Variants in EPB41L4A observed in about 807,000 individuals in gnomAD.
The protein encoded by EPB41L4A is band 4.1-like protein 4A.
In EPB41L4A, 100 loss-of-function variants were observed where a neutral mutation model predicts 108.6. That is an observed-to-expected ratio of 0.92 (90% CI 0.78 to 1.09). EPB41L4A has a LOEUF of 1.09. Ranked by LOEUF, EPB41L4A falls within the 50% of genes least tolerant of loss-of-function variation. EPB41L4A has a pLI of 0.00. For synonymous variants in EPB41L4A, 319 were observed against 289.0 expected, an observed-to-expected ratio of 1.10 and a Z score of -1.05; for missense variants, 1,030 against 842.7, an observed-to-expected ratio of 1.22 and a Z score of -2.75.
At position 112,201,667 on chromosome 5, in the gene EPB41L4A, C is replaced by T. The variant is rs577374770; in HGVS notation, c.1376+2708G>A. 1.2e-4 allele frequency among the ~76,000 whole-genome samples: 19 copies of T among 152,288 alleles called. No homozygotes were observed. In the South Asian group the frequency reaches 2.7e-3, roughly 22 times the overall value. Reference sequence around the variant, plus strand: ...TTCTAATCATCCCTGCCACCTATGTCGCCTCAACACACAATACACACAAAT... The same window carrying T: ...TTCTAATCATCCCTGCCACCTATGTTGCCTCAACACACAATACACACAAAT... On this transcript the variant is annotated intron_variant, in intron 15 of 22. Transcript: ENST00000261486.
At chr5:112,359,663 C>T (rs1448053996) in intron 1 of EPB41L4A, among the ~76,000 whole-genome samples, 1 of 152,024 alleles carries the variant, frequency 6.6e-6, no homozygotes, top group Non-Finnish European at 1.5e-5. Flanking sequence ...GCCTCAGCCT[C>T]CCGAGTAGCT....
exon 14 of EPB41L4A, chr5:112,142,766 G>A (rs899582168): frequency 6.6e-6 from 1 of 152,162 alleles, no homozygotes; most frequent in Non-Finnish European, 1.5e-5. Flanking sequence ...CTTAACTTTT[G>A]AAGTGTATGC....
intron 12 of EPB41L4A, among the ~76,000 whole-genome samples, chr5:112,153,459 G>A (rs1759541657): frequency 6.6e-6 from 1 of 151,344 alleles, no homozygotes; most frequent in African/African-American, 2.4e-5. Flanking sequence ...AACCTGGGAG[G>A]CGGAGGTTGC....
chr5:112,348,169 T>C (rs1469796416), intron 1 of EPB41L4A, among the ~76,000 whole-genome samples: 1 of 152,136 alleles, frequency 6.6e-6, no homozygotes, highest in East Asian at 1.9e-4. Context: ...CCTCACTCTA[T>C]AGTCTCTGCC....
At chr5:112,254,081 T>G (rs1283562820) in intron 9 of EPB41L4A, among the ~76,000 whole-genome samples, 1 of 152,150 alleles carries the variant, frequency 6.6e-6, no homozygotes, top group African/African-American at 2.4e-5. Flanking sequence ...ACGGGGTAAC[T>G]TTAGCTGAGG....
intron 2 of EPB41L4A, among the ~76,000 whole-genome samples, chr5:112,304,956 C>A (rs1754593653): frequency 6.6e-6 from 1 of 152,130 alleles, no homozygotes. Flanking sequence ...GATCACAATC[C>A]ATTTATAGTA....
intron 12 of EPB41L4A, among the ~76,000 whole-genome samples, chr5:112,149,919 C>A (rs1010292507): frequency 1.3e-5 from 2 of 152,080 alleles, no homozygotes; most frequent in African/African-American, 4.8e-5. Flanking sequence ...AGACATGAGG[C>A]CTGTGCAAAA....
chr5:112,209,855 C>T, intron 13 of EPB41L4A, 37 bp downstream of exon 13: 1 of 1,292,318 alleles, frequency 7.7e-7, no homozygotes, highest in Non-Finnish European at 1.1e-6. Flanking sequence ...TTTACAACAG[C>T]ATATAATTGT....
intron 12 of EPB41L4A, among the ~76,000 whole-genome samples, chr5:112,224,515 C>CT (rs2150343648): frequency 6.6e-6 from 1 of 152,252 alleles, no homozygotes; most frequent in South Asian, 2.1e-4. Context: ...ATCTTTAAAG[C>CT]TTACATACCC....
intron 2 of EPB41L4A, among the ~76,000 whole-genome samples, chr5:112,298,444 A>T (rs1379178601): frequency 6.6e-6 from 1 of 152,154 alleles, no homozygotes; most frequent in African/African-American, 2.4e-5. Context: ...TGAGATGATC[A>T]TGTGATTTTT....
intron 9 of EPB41L4A, among the ~76,000 whole-genome samples, chr5:112,244,614 C>T (rs926923800): frequency 5.3e-5 from 8 of 152,194 alleles, no homozygotes; most frequent in African/African-American, 1.9e-4. Context: ...ATGATGTCTA[C>T]ATAGTGTGCG....
At chr5:112,416,223 G>A (rs887778541) in intron 1 of EPB41L4A, among the ~76,000 whole-genome samples, 1 of 151,954 alleles carries the variant, frequency 6.6e-6, no homozygotes, top group Non-Finnish European at 1.5e-5. Context: ...TAAATCCAAA[G>A]AATGTTTTTC....
At chr5:112,199,522 T>G (rs1352025617) in intron 15 of EPB41L4A, among the ~76,000 whole-genome samples, 2 of 152,148 alleles carry the variant, frequency 1.3e-5, no homozygotes, top group Admixed American at 1.3e-4. Flanking sequence ...CAACCTAATC[T>G]CTATATTTCA....
At chr5:112,396,270 AAAAG>A (rs1380271537) in intron 1 of EPB41L4A, among the ~76,000 whole-genome samples, 1 of 152,210 alleles carries the variant, frequency 6.6e-6, no homozygotes, top group East Asian at 1.9e-4. Context: ...AAAAAAAAGA[AAAAG>A]AAAACCATTT....
chr5:112,235,840 A>G (rs543971262), intron 11 of EPB41L4A, among the ~76,000 whole-genome samples: 1 of 152,308 alleles, frequency 6.6e-6, no homozygotes, highest in African/African-American at 2.4e-5. Context: ...ATTGTTCTTC[A>G]TGTTCAGTAA....
At position 112,230,409 on chromosome 5, in the gene EPB41L4A, T is replaced by A. The variant is rs6864294; in HGVS notation, c.1087+4225A>T. Among the ~76,000 whole-genome samples the A allele has an allele frequency of 4.5e-3, 684 of 152,310 alleles. 9 individuals carry two copies. The highest frequency in any genetic ancestry group is 0.016 in the African/African-American group (645 of 41,562). On this transcript the variant is annotated intron_variant, in intron 12 of 22. Transcript: ENST00000261486. ...AACATCTATTATTTTTTTTATTTTT[T>A]AATTATGGTCATTCTTGCAGGAGTA... is the stretch of plus-strand genomic sequence containing the variant.
intron 3 of EPB41L4A, among the ~76,000 whole-genome samples, chr5:112,279,064 C>CAAAA (rs60463391): frequency 8.6e-4 from 66 of 76,822 alleles, no homozygotes; most frequent in African/African-American, 2.0e-3. Context: ...GATACCGTCT[C>CAAAA]AAAAAAAAAA....
intron 1 of EPB41L4A, among the ~76,000 whole-genome samples, chr5:112,346,884 T>C (rs564861923): frequency 1.8e-4 from 28 of 152,330 alleles, no homozygotes; most frequent in African/African-American, 6.3e-4. Context: ...GTGCTGCATG[T>C]CTACATGGTT....
chr5:112,401,085 C>A (rs902660370), intron 1 of EPB41L4A, among the ~76,000 whole-genome samples: 3 of 152,216 alleles, frequency 2.0e-5, no homozygotes, highest in African/African-American at 7.2e-5. Context: ...ACCAAACAAG[C>A]ATCCACATTG....
Sources: gnomAD v4.1 joint callset for allele counts (sites outside exome capture counted in the v4.1 genomes callset) on GRCh38, gnomAD v4.1.1 for gene constraint, MANE v1.5 for transcripts, NCBI Gene and HGNC (gene_info 2026-07-23, HGNC 2026-07-21) for gene names.